The following FMNL3 variants were observed in gnomAD, a reference collection of about 807,000 sequenced individuals.
FMNL3 encodes the protein formin-like protein 3.
A neutral mutation model predicts 119.6 loss-of-function variants in FMNL3; 57 were observed. That is an observed-to-expected ratio of 0.48 (90% CI 0.39 to 0.59). FMNL3 has a LOEUF of 0.59. Among genes scored for constraint, FMNL3 ranks in the 20% least tolerant of loss-of-function variants. FMNL3 has a pLI of 0.00. For synonymous variants in FMNL3, 491 were observed against 507.3 expected (o/e 0.97, Z 0.43); for missense variants, 1,053 against 1,323.5 (o/e 0.80, Z 3.17).
At chr12:49,686,366 G>A (rs1455586945) in intron 1 of FMNL3, among the ~76,000 whole-genome samples, 1 of 151,720 alleles carries the variant, frequency 6.6e-6, no homozygotes, top group African/African-American at 2.4e-5. Context: ...CGGATCACGA[G>A]GTTAGGAGAC....
At chr12:49,700,448 C>G (rs1944875754) in intron 1 of FMNL3, among the ~76,000 whole-genome samples, 1 of 149,558 alleles carries the variant, frequency 6.7e-6, no homozygotes, top group African/African-American at 2.5e-5. Flanking sequence ...GACGCAGTGG[C>G]TCATGCCTAT....
chr12:49,694,482 G>A (rs1475021506), intron 1 of FMNL3, among the ~76,000 whole-genome samples: 1 of 152,142 alleles, frequency 6.6e-6, no homozygotes, highest in Non-Finnish European at 1.5e-5. Context: ...AGGTGGGGGA[G>A]TTAGAGAACA....
Position 49,637,016 on chromosome 12 carries a change from C to T in FMNL3, c.*8799G>A. The T allele has an allele frequency of 9.6e-7, 1 of 1,043,062 alleles. No individual in the cohort carries two copies. Among genetic ancestry groups the T allele is most frequent in the Non-Finnish European group, 1.4e-6 (1 of 723,734 alleles). 64.6% of individuals were successfully genotyped at this position (1,043,062 alleles called of 1,614,324 possible). A position where few individuals can be genotyped will look rare whatever the true frequency, so the allele number is the denominator to read the frequency against. ...CCTGCAGTCTGTTTCTGCTGTACCTCCTCAATTCTGGACTGTGCTCTTCTA... is the reference window on the plus strand; with the variant it reads ...CCTGCAGTCTGTTTCTGCTGTACCTTCTCAATTCTGGACTGTGCTCTTCTA... On this transcript the variant is annotated 3_prime_UTR_variant, in exon 26 of 26. Transcript: ENST00000335154.
Position 49,647,126 on chromosome 12 carries a change from A to AG in FMNL3, c.2872-118dup. On this transcript the variant is annotated intron_variant, in intron 24 of 25. Transcript: ENST00000335154. This position sits in a 1 kb window ranked among gnomAD's most constrained non-coding sequence, Gnocchi z 4.9. Reference sequence around the variant, plus strand: ...CTTGTGCACTGCTAGGAATCCCCAAAGGCCCTCCCTCCATCCCTCTGGATG... The same window carrying AG: ...CTTGTGCACTGCTAGGAATCCCCAAAGGGCCCTCCCTCCATCCCTCTGGATG... The AG allele has an allele frequency of 6.4e-7, 1 of 1,566,876 alleles. No individual in the cohort carries two copies. The highest frequency in any genetic ancestry group is 2.2e-5 in the East Asian group (1 of 44,462).
chr12:49,647,721 T>C lies in FMNL3; in HGVS notation c.2760A>G (p.Arg920=). ...AGCTTACCTTGTAAGAACGAATGAA[T>C]CGGACAAATACTGGGAAGAATACAG... ...PPSVFFPVFV[R]FIRSYKEAEQ... Residue 920 remains arginine (R), a synonymous_variant, in exon 23 of 26, where the codon CGA becomes CGG. Transcript: ENST00000335154. This position sits in a 1 kb window ranked among gnomAD's most constrained non-coding sequence, Gnocchi z 4.9. 6.2e-7 allele frequency: 1 copy of C among 1,614,076 alleles called. No homozygotes were observed. The highest frequency in any genetic ancestry group is 1.3e-5 in the African/African-American group (1 of 75,034).
intron 21 of FMNL3, among the ~76,000 whole-genome samples, chr12:49,648,783 C>T (rs989104146): frequency 1.2e-4 from 19 of 152,236 alleles, no homozygotes; most frequent in Non-Finnish European, 1.9e-4. Flanking sequence ...GACTGCTCCC[C>T]TTCTTGTTCC....
At chr12:49,679,929 C>T (rs1944293499) in intron 1 of FMNL3, among the ~76,000 whole-genome samples, 1 of 152,226 alleles carries the variant, frequency 6.6e-6, no homozygotes, top group South Asian at 2.1e-4. Context: ...TTATAAACAT[C>T]TACTCTGGGC....
chr12:49,702,066 G>C (rs569008391), intron 1 of FMNL3, among the ~76,000 whole-genome samples: 3 of 152,198 alleles, frequency 2.0e-5, no homozygotes, highest in African/African-American at 7.2e-5. Flanking sequence ...TACTTTGGGT[G>C]ACTGAGGTGG....
rs767429410 is a variant in FMNL3 at position 49,649,437 on chromosome 12, C to G, written c.2304+33G>C. ...CAGGCCCCCACCTAGGACCTGAAAA[C>G]CCCCAGCACCCCTGTTCACAACCTC... On this transcript the variant is annotated intron_variant, in intron 19 of 25. Transcript: ENST00000335154. The surrounding 1 kb of genome is among the most constrained non-coding windows in gnomAD (Gnocchi z 5.6). 6.2e-7 allele frequency: 1 copy of G among 1,613,800 alleles called. No homozygotes were observed. The highest frequency in any genetic ancestry group is 8.5e-7 in the Non-Finnish European group (1 of 1,179,952).
At chr12:49,671,944 T>C (rs765253031) in intron 1 of FMNL3, among the ~76,000 whole-genome samples, 1 of 152,212 alleles carries the variant, frequency 6.6e-6, no homozygotes, top group Non-Finnish European at 1.5e-5. Flanking sequence ...TTCAGAGTTA[T>C]GGAGCCTTGG....
intron 1 of FMNL3, among the ~76,000 whole-genome samples, chr12:49,675,912 A>G (rs1184513930): frequency 6.6e-6 from 1 of 152,166 alleles, no homozygotes; most frequent in East Asian, 1.9e-4. Flanking sequence ...GACCAGCCTC[A>G]TCCTCTCCCA....
chr12:49,699,957 A>G (rs1284000377), intron 1 of FMNL3, among the ~76,000 whole-genome samples: 1 of 152,252 alleles, frequency 6.6e-6, no homozygotes, highest in East Asian at 1.9e-4. Context: ...TTCAGAAGAT[A>G]TATGTCTCAA....
intron 1 of FMNL3, among the ~76,000 whole-genome samples, chr12:49,687,440 C>T (rs922576953): frequency 2.0e-5 from 3 of 152,068 alleles, no homozygotes; most frequent in African/African-American, 7.2e-5. Context: ...TGGACTCAAC[C>T]TCCGAAAGTC....
intron 1 of FMNL3, among the ~76,000 whole-genome samples, chr12:49,702,995 A>C (rs986646403): frequency 1.3e-5 from 2 of 152,218 alleles, no homozygotes; most frequent in African/African-American, 2.4e-5. Context: ...ACACTTACAG[A>C]AAAACCCCCA....
intron 11 of FMNL3, 125 bp downstream of exon 11, chr12:49,654,067 G>A: frequency 8.6e-7 from 1 of 1,165,438 alleles, no homozygotes; most frequent in Non-Finnish European, 1.2e-6. Context: ...TGAGTCCCAG[G>A]CTACAGAAGA....
chr12:49,687,583 T>C (rs1446996732), intron 1 of FMNL3, among the ~76,000 whole-genome samples: 1 of 152,190 alleles, frequency 6.6e-6, no homozygotes, highest in East Asian at 1.9e-4. Context: ...TCTTGCTACT[T>C]AACACTATAT....
Position 49,647,626 on chromosome 12 carries a change from A to T in FMNL3, c.2778+77T>A. 7.5e-7 allele frequency: 1 copy of T among 1,340,672 alleles called. No individual in the cohort carries two copies. Among genetic ancestry groups the T allele is most frequent in the East Asian group, 2.3e-5 (1 of 43,532 alleles). The allele number at this position is 1,340,672 out of a possible 1,614,324, so 83.0% of individuals were successfully genotyped here. On this transcript the variant is annotated intron_variant, in intron 23 of 25. Coordinates refer to ENST00000335154, the MANE Select transcript of FMNL3 (RefSeq NM_175736.5). This position sits in a 1 kb window ranked among gnomAD's most constrained non-coding sequence, Gnocchi z 4.9. ...TCGGAGGAGGAGTCGGAAAAGGCCC[A>T]TACTTTAAGCCCAGGCTTCTCTCCC...
At chr12:49,662,338 G>C (rs1234817889) in intron 4 of FMNL3, among the ~76,000 whole-genome samples, 1 of 152,158 alleles carries the variant, frequency 6.6e-6, no homozygotes, top group Non-Finnish European at 1.5e-5. Context: ...CCAGACCCTG[G>C]CTCAATTATT....
intron 1 of FMNL3, among the ~76,000 whole-genome samples, chr12:49,672,026 T>C (rs977224223): frequency 3.0e-4 from 45 of 152,136 alleles, no homozygotes; most frequent in African/African-American, 1.1e-3. Context: ...GATAAATATT[T>C]TATGTCTGTA....
Sources: gnomAD v4.1 joint callset for allele counts (sites outside exome capture counted in the v4.1 genomes callset) on GRCh38, gnomAD v4.1.1 for gene constraint, Gnocchi (gnomAD v3.1) non-coding constraint, MANE v1.5 for transcripts, NCBI Gene and HGNC (gene_info 2026-07-23, HGNC 2026-07-21) for gene names.